Variants in FHIT observed in about 807,000 individuals in gnomAD.
The protein encoded by FHIT is fragile histidine triad diadenosine triphosphatase, also known as bis(5'-adenosyl)-triphosphatase.
FHIT carries 19 observed loss-of-function variants against 17.9 expected under a neutral mutation model. The ratio of observed to expected loss-of-function variants is 1.06; its 90% CI spans 0.74 to 1.56. The LOEUF (loss-of-function observed/expected upper bound fraction) is 1.56. Ranked by LOEUF, FHIT falls within the 40% of genes most tolerant of loss-of-function variation. The pLI, the probability that FHIT is intolerant of heterozygous loss-of-function variation, is 0.00. For synonymous variants in FHIT, 81 were observed against 69.7 expected, an observed-to-expected ratio of 1.16 and a Z score of -0.81; for missense variants, 248 against 189.2, an observed-to-expected ratio of 1.31 and a Z score of -1.82.
chr3:60,362,897 G>A (rs1000837468), intron 5 of FHIT, among the ~76,000 whole-genome samples: 3 of 152,274 alleles, frequency 2.0e-5, no homozygotes, highest in Admixed American at 6.5e-5. Flanking sequence ...GAAATCAGAA[G>A]TTAAATCACC....
chr3:60,297,189 A>G (rs1420889537), intron 5 of FHIT, among the ~76,000 whole-genome samples: 1 of 151,994 alleles, frequency 6.6e-6, no homozygotes, highest in Non-Finnish European at 1.5e-5. Flanking sequence ...ATTGTTGCTG[A>G]TATTTTCATA....
chr3:59,992,364 A>T (rs1699316031), intron 7 of FHIT, among the ~76,000 whole-genome samples: 1 of 152,074 alleles, frequency 6.6e-6, no homozygotes, highest in African/African-American at 2.4e-5. Flanking sequence ...GGGTCTATAG[A>T]TGCCCGTTTT....
chr3:60,276,343 A>C (rs1047395165), intron 5 of FHIT, among the ~76,000 whole-genome samples: 6 of 152,226 alleles, frequency 3.9e-5, no homozygotes, highest in Admixed American at 6.5e-5. Flanking sequence ...GAAGTCCAGC[A>C]GATGAAGTCT....
intron 3 of FHIT, among the ~76,000 whole-genome samples, chr3:60,927,337 C>T (rs1553770258): frequency 1.3e-5 from 2 of 152,200 alleles, no homozygotes; most frequent in Non-Finnish European, 2.9e-5. Flanking sequence ...GTGGCGTGAA[C>T]CTCCACCTCC....
intron 1 of FHIT, among the ~76,000 whole-genome samples, chr3:61,207,478 T>A (rs1204601436): frequency 6.6e-6 from 1 of 152,248 alleles, no homozygotes; most frequent in African/African-American, 2.4e-5. Flanking sequence ...AAGCTATTAC[T>A]TATTGCCTCA....
At position 61,087,751 on chromosome 3, in the gene FHIT, T is replaced by C. The variant is rs190437508; in HGVS notation, c.-163-45652A>G. On this transcript the variant is annotated intron_variant, in intron 2 of 9. Coordinates refer to ENST00000492590, the MANE Select transcript of FHIT (RefSeq NM_002012.4). ...TTGTAATTCATTTCCACCAAGTAGATACAGCCTTTATCACTTGCATTGGTA... is the reference window on the plus strand; with the variant it reads ...TTGTAATTCATTTCCACCAAGTAGACACAGCCTTTATCACTTGCATTGGTA... 3.5e-3 allele frequency among the ~76,000 whole-genome samples: 536 copies of C among 152,284 alleles called. 6 individuals carry two copies. Among genetic ancestry groups the C allele is most frequent in the Non-Finnish European group, 3.7e-3 (252 of 68,004 alleles).
intron 5 of FHIT, among the ~76,000 whole-genome samples, chr3:60,434,324 A>T (rs1315521387): frequency 6.6e-6 from 1 of 152,142 alleles, no homozygotes; most frequent in Non-Finnish European, 1.5e-5. Context: ...ATATGTGAAT[A>T]GTCACTTTTA....
chr3:60,631,065 A>T (rs1275722750), intron 4 of FHIT, among the ~76,000 whole-genome samples: 2 of 152,088 alleles, frequency 1.3e-5, no homozygotes, highest in African/African-American at 4.8e-5. Flanking sequence ...GAGGAGGCAG[A>T]TAACTTTGAA....
chr3:60,589,586 G>T (rs781958093), intron 4 of FHIT, among the ~76,000 whole-genome samples: 1 of 152,002 alleles, frequency 6.6e-6, no homozygotes, highest in Non-Finnish European at 1.5e-5. Flanking sequence ...TTCTTCATAT[G>T]GCTTTGTCCA....
At chr3:60,115,434 T>C (rs1055436167) in intron 5 of FHIT, among the ~76,000 whole-genome samples, 11 of 152,158 alleles carry the variant, frequency 7.2e-5, no homozygotes, top group African/African-American at 2.2e-4. Context: ...TTCAATTAAC[T>C]ACGATTTTAA....
chr3:59,934,011 G>A (rs1706102473), intron 7 of FHIT, among the ~76,000 whole-genome samples: 1 of 151,972 alleles, frequency 6.6e-6, no homozygotes, highest in Non-Finnish European at 1.5e-5. Context: ...GGCCCCTCAA[G>A]CTCTAAAGAA....
At chr3:60,130,922 T>TGTC (rs1388531448) in intron 5 of FHIT, among the ~76,000 whole-genome samples, 59 of 149,200 alleles carry the variant, frequency 4.0e-4, no homozygotes, top group African/African-American at 1.4e-3. Flanking sequence ...TATGTATACA[T>TGTC]ACATATATGT....
At chr3:60,604,173 G>A (rs2038533953) in intron 4 of FHIT, among the ~76,000 whole-genome samples, 1 of 152,156 alleles carries the variant, frequency 6.6e-6, no homozygotes, top group Admixed American at 6.5e-5. Flanking sequence ...TACAGTGAGA[G>A]AAAGTGCACA....
chr3:59,760,615 A>C (rs940156029), intron 8 of FHIT, among the ~76,000 whole-genome samples: 3 of 152,042 alleles, frequency 2.0e-5, no homozygotes, highest in Non-Finnish European at 4.4e-5. Flanking sequence ...ACAGTTTTCC[A>C]TTGAAAGCCT....
intron 8 of FHIT, among the ~76,000 whole-genome samples, chr3:59,768,908 A>C (rs113512601): frequency 6.6e-6 from 1 of 152,244 alleles, no homozygotes; most frequent in Non-Finnish European, 1.5e-5. Context: ...AAATGTAACT[A>C]TATTTACTGA....
chr3:59,914,525 G>A (rs6787894), intron 8 of FHIT, among the ~76,000 whole-genome samples: 9,774 of 152,090 alleles, frequency 0.064, 548 homozygotes, highest in African/African-American at 0.15. Context: ...TTTGAATTAC[G>A]TGTATCATTC....
At chr3:60,301,864 C>A (rs1257551408) in intron 5 of FHIT, among the ~76,000 whole-genome samples, 1 of 152,100 alleles carries the variant, frequency 6.6e-6, no homozygotes, top group African/African-American at 2.4e-5. Flanking sequence ...AATAAAAATG[C>A]ACTCATACAT....
At chr3:60,858,957 T>C (rs991246796) in intron 3 of FHIT, among the ~76,000 whole-genome samples, 1 of 152,180 alleles carries the variant, frequency 6.6e-6, no homozygotes, top group African/African-American at 2.4e-5. Context: ...CATCTCTCCC[T>C]GTCTATTCAT....
At chr3:60,943,998 C>G (rs1228292742) in intron 3 of FHIT, among the ~76,000 whole-genome samples, 1 of 152,122 alleles carries the variant, frequency 6.6e-6, no homozygotes, top group Non-Finnish European at 1.5e-5. Flanking sequence ...CTCATTCTGT[C>G]TCTTCTACCT....
Sources: allele counts gnomAD v4.1 joint callset (sites outside exome capture counted in the v4.1 genomes callset), GRCh38; gene constraint gnomAD v4.1.1; transcripts MANE v1.5; gene names NCBI Gene and HGNC (gene_info 2026-07-23, HGNC 2026-07-21).